RFTN2: variants seen among roughly 807,000 people sequenced by gnomAD.
RFTN2 encodes the protein raftlin family member 2.
RFTN2 carries 34 observed loss-of-function variants against 52.7 expected under a neutral mutation model. The observed-to-expected ratio is 0.64, with a 90% confidence interval of 0.49 to 0.86. The LOEUF (loss-of-function observed/expected upper bound fraction) is 0.86. Ranked by LOEUF, RFTN2 falls within the 40% of genes least tolerant of loss-of-function variation. RFTN2 has a pLI of 0.00. For missense variants in RFTN2, 536 were observed against 600.1 expected (o/e 0.89, Z 1.12); for synonymous variants, 203 against 217.7 (o/e 0.93, Z 0.59).
intron 7 of RFTN2, among the ~76,000 whole-genome samples, chr2:197,606,610 A>T (rs1473002353): frequency 2.6e-5 from 4 of 151,512 alleles, no homozygotes; most frequent in African/African-American, 4.9e-5. Flanking sequence ...CAGAATCTAC[A>T]ATGAACTCAA....
At chr2:197,619,759 TAAC>T (rs202215554) in intron 5 of RFTN2, among the ~76,000 whole-genome samples, 1,047 of 97,164 alleles carry the variant, frequency 0.011, 19 homozygotes, top group African/African-American at 0.035. Context: ...AAAATAATAA[TAAC>T]AATAATAAAA....
intron 1 of RFTN2, among the ~76,000 whole-genome samples, 174 bp downstream of exon 1, chr2:197,675,146 A>C (rs2089198094): frequency 6.6e-6 from 1 of 152,188 alleles, no homozygotes; most frequent in Non-Finnish European, 1.5e-5. Flanking sequence ...CAAAATACGA[A>C]GCAATCAACA....
chr2:197,572,311 G>A (rs376524054), intron 8 of RFTN2, 31 bp from the exon 9 acceptor site: 18 of 1,606,072 alleles, frequency 1.1e-5, no homozygotes, highest in Admixed American at 1.7e-5. Context: ...GACCAGGAGA[G>A]TTAAAAAGAT....
chr2:197,597,917 C>G (rs1046011487), intron 7 of RFTN2, among the ~76,000 whole-genome samples: 2 of 152,198 alleles, frequency 1.3e-5, no homozygotes, highest in Non-Finnish European at 2.9e-5. Context: ...AGGAACACAA[C>G]AACTGTGATT....
intron 1 of RFTN2, among the ~76,000 whole-genome samples, chr2:197,663,915 T>C (rs2089013326): frequency 6.6e-6 from 1 of 152,148 alleles, no homozygotes; most frequent in African/African-American, 2.4e-5. Context: ...TCTTTCTACT[T>C]TTTGATGTAG....
At chr2:197,611,214 A>G (rs2106205417) in intron 7 of RFTN2, among the ~76,000 whole-genome samples, 1 of 152,348 alleles carries the variant, frequency 6.6e-6, no homozygotes, top group Non-Finnish European at 1.5e-5. Context: ...TACCTCTGGT[A>G]GAATTTGGCT....
At chr2:197,671,904 T>C (rs994250169) in intron 1 of RFTN2, among the ~76,000 whole-genome samples, 1 of 152,234 alleles carries the variant, frequency 6.6e-6, no homozygotes, top group African/African-American at 2.4e-5. Flanking sequence ...CCTGGAATTA[T>C]ACAAGGAGGT....
intron 1 of RFTN2, among the ~76,000 whole-genome samples, chr2:197,669,546 A>C (rs1227672921): frequency 1.3e-5 from 2 of 152,122 alleles, no homozygotes; most frequent in Non-Finnish European, 2.9e-5. Context: ...GTGGGTGGGG[A>C]GTGGACGGTT....
chr2:197,609,699 A>T (rs959957853), intron 7 of RFTN2, among the ~76,000 whole-genome samples: 2 of 152,156 alleles, frequency 1.3e-5, no homozygotes, highest in African/African-American at 4.8e-5. Flanking sequence ...GCCCATGCCT[A>T]TGTCCTGAGT....
chr2:197,666,919 G>A (rs901235646), intron 1 of RFTN2, among the ~76,000 whole-genome samples: 2 of 151,992 alleles, frequency 1.3e-5, no homozygotes, highest in South Asian at 4.1e-4. Context: ...CTAGTCTATT[G>A]TTGAAGCTCT....
At chr2:197,596,170 C>A in intron 7 of RFTN2, 101 bp from the exon 8 acceptor site, 1 of 545,388 alleles carries the variant, frequency 1.8e-6, no homozygotes, top group Non-Finnish European at 3.2e-6. Flanking sequence ...AAATAATCTT[C>A]TGACCAAAAA....
At position 197,570,521 on chromosome 2, in the gene RFTN2, G is replaced by A. The variant is rs746366135; in HGVS notation, c.*1487C>T. ...AGGCAGGCAGATCATGAGGTCAAGA[G>A]ATCGAGACCATCCTGGCCAACATGG... On this transcript the variant is annotated 3_prime_UTR_variant, in exon 9 of 9. Coordinates refer to ENST00000295049, the MANE Select transcript of RFTN2 (RefSeq NM_144629.3). 6.6e-6 allele frequency: 1 copy of A among 152,252 alleles called. No individual in the cohort carries two copies. The highest frequency in any genetic ancestry group is 6.5e-5 in the Admixed American group (1 of 15,280). The allele number at this position is 152,252 out of a possible 1,614,324, so 9.4% of individuals were successfully genotyped here.
intron 7 of RFTN2, among the ~76,000 whole-genome samples, chr2:197,615,358 T>G (rs1287764388): frequency 6.6e-6 from 1 of 152,254 alleles, no homozygotes; most frequent in African/African-American, 2.4e-5. Context: ...GTCCCAGGAA[T>G]AGCAAAGCAT....
At chr2:197,614,735 G>A (rs543934941) in intron 7 of RFTN2, among the ~76,000 whole-genome samples, 20 of 152,292 alleles carry the variant, frequency 1.3e-4, no homozygotes, top group Non-Finnish European at 2.8e-4. Flanking sequence ...CCACACCCCT[G>A]TCACACATCC....
At chr2:197,621,557 T>C (rs1282739455) in intron 5 of RFTN2, among the ~76,000 whole-genome samples, 3 of 152,132 alleles carry the variant, frequency 2.0e-5, no homozygotes, top group Non-Finnish European at 4.4e-5. Context: ...TATTATTCTA[T>C]CTGTTATGGT....
chr2:197,620,888 C>T (rs1477514034), intron 5 of RFTN2, among the ~76,000 whole-genome samples: 1 of 152,212 alleles, frequency 6.6e-6, no homozygotes, highest in Non-Finnish European at 1.5e-5. Flanking sequence ...ATCGCTTGAA[C>T]CCGGGAGGGG....
chr2:197,596,749 G>A (rs1248956947), intron 7 of RFTN2, among the ~76,000 whole-genome samples: 2 of 152,128 alleles, frequency 1.3e-5, no homozygotes, highest in South Asian at 4.1e-4. Flanking sequence ...ATAAACAGAA[G>A]AGACTAATTT....
At chr2:197,580,347 T>C (rs954378204) in intron 8 of RFTN2, among the ~76,000 whole-genome samples, 1 of 152,176 alleles carries the variant, frequency 6.6e-6, no homozygotes, top group Non-Finnish European at 1.5e-5. Flanking sequence ...GCCACAGTGG[T>C]CAGGCATTCC....
intron 5 of RFTN2, among the ~76,000 whole-genome samples, chr2:197,618,657 C>A (rs1421183571): frequency 1.3e-5 from 2 of 151,866 alleles, no homozygotes; most frequent in South Asian, 2.1e-4. Flanking sequence ...CTCTTCCCGG[C>A]CGCCATCACA....
Sources: gnomAD v4.1 joint callset for allele counts (sites outside exome capture counted in the v4.1 genomes callset) on GRCh38, gnomAD v4.1.1 for gene constraint, MANE v1.5 for transcripts, NCBI Gene and HGNC (gene_info 2026-07-23, HGNC 2026-07-21) for gene names.